The following SCARA3 variants were observed in gnomAD, a reference collection of about 807,000 sequenced individuals.
SCARA3 encodes cellular stress response gene protein.
In SCARA3, 39 loss-of-function variants were observed where a neutral mutation model predicts 47.0. The observed-to-expected ratio is 0.83, with a 90% confidence interval of 0.64 to 1.08. The LOEUF (loss-of-function observed/expected upper bound fraction) is 1.08. Among genes scored for constraint, SCARA3 ranks in the 50% least tolerant of loss-of-function variants. The probability of loss-of-function intolerance (pLI) is 0.00; values close to 1 mark genes in which losing one functional copy is unlikely to be tolerated. For synonymous variants in SCARA3, 356 were observed against 334.1 expected (o/e 1.07, Z -0.71); for missense variants, 724 against 792.3 (o/e 0.91, Z 1.04).
At chr8:27,719,873 G>A in the SCARA3 span, among the ~76,000 whole-genome samples, 1 of 152,100 alleles carries the variant, frequency 6.6e-6, no homozygotes, top group African/African-American at 2.4e-5. Flanking sequence ...AAATAGAAAA[G>A]ATGCAGCTCT....
intron 1 of SCARA3, among the ~76,000 whole-genome samples, chr8:27,641,846 T>G (rs1034939205): frequency 1.2e-4 from 19 of 152,294 alleles, no homozygotes; most frequent in African/African-American, 4.3e-4. Context: ...TCCATTCAAG[T>G]TGATGGCAGG....
chr8:27,708,242 A>T, the SCARA3 span, among the ~76,000 whole-genome samples: 1 of 152,204 alleles, frequency 6.6e-6, no homozygotes, highest in Admixed American at 6.5e-5. Context: ...ATGATAGGTT[A>T]TACAATGGAT....
chr8:27,653,930 G>T (rs34787158), intron 3 of SCARA3, among the ~76,000 whole-genome samples: 1 of 152,040 alleles, frequency 6.6e-6, no homozygotes, highest in African/African-American at 2.4e-5. Flanking sequence ...AACCAAACTC[G>T]TCACAGAGCA....
downstream of SCARA3, among the ~76,000 whole-genome samples, chr8:27,676,115 T>C (rs1802273641): frequency 5.9e-5 from 9 of 152,294 alleles, 1 homozygote; most frequent in South Asian, 1.9e-3. Context: ...GCCACATAGA[T>C]GTTAAGTGGT....
the SCARA3 span, among the ~76,000 whole-genome samples, chr8:27,694,253 A>G: frequency 6.6e-6 from 1 of 152,218 alleles, no homozygotes; most frequent in Admixed American, 6.5e-5. Context: ...AGATTTCTAC[A>G]TAAAGAGTAT....
the SCARA3 span, among the ~76,000 whole-genome samples, chr8:27,705,408 C>A: frequency 6.6e-6 from 1 of 152,204 alleles, no homozygotes; most frequent in African/African-American, 2.4e-5. Context: ...GCTAGGGGAG[C>A]CAATGTCAAC....
chr8:27,733,481 A>C, the SCARA3 span: 1 of 152,236 alleles, frequency 6.6e-6, no homozygotes, highest in Non-Finnish European at 1.5e-5. Flanking sequence ...GCTCTCACGA[A>C]GTGCCAGCTG....
At chr8:27,661,882 G>A (rs1300849537) in intron 5 of SCARA3, among the ~76,000 whole-genome samples, 2 of 152,142 alleles carry the variant, frequency 1.3e-5, no homozygotes, top group Non-Finnish European at 2.9e-5. Context: ...ACACCCTGTG[G>A]GATCTCCTAT....
chr8:27,640,352 G>A (rs1029421571), intron 1 of SCARA3, among the ~76,000 whole-genome samples: 1 of 152,014 alleles, frequency 6.6e-6, no homozygotes, highest in Non-Finnish European at 1.5e-5. Context: ...TTTTTTTCAT[G>A]TAGATAAGAT....
chr8:27,721,939 A>T, the SCARA3 span, among the ~76,000 whole-genome samples: 1 of 152,094 alleles, frequency 6.6e-6, no homozygotes, highest in East Asian at 1.9e-4. Context: ...AAATACAAAA[A>T]TTAGCCAGGA....
intron 1 of SCARA3, among the ~76,000 whole-genome samples, chr8:27,645,139 C>G (rs1489673871): frequency 6.6e-6 from 1 of 152,236 alleles, no homozygotes; most frequent in Non-Finnish European, 1.5e-5. Flanking sequence ...ATAAATTAAG[C>G]CTTTGCACTC....
At chr8:27,652,811 G>C (rs931071306) in intron 3 of SCARA3, among the ~76,000 whole-genome samples, 5 of 152,182 alleles carry the variant, frequency 3.3e-5, no homozygotes, top group Non-Finnish European at 7.4e-5. Context: ...CCCTTGGAAA[G>C]CATTTAAAAA....
intron 5 of SCARA3, among the ~76,000 whole-genome samples, chr8:27,668,619 G>A (rs1802074369): frequency 2.0e-5 from 3 of 151,932 alleles, no homozygotes; most frequent in Admixed American, 2.0e-4. Flanking sequence ...CAAAACTTTG[G>A]GAGGCCAAGG....
At chr8:27,668,546 C>CAAAAAAAAAAAAAAAAAAAA (rs61162841) in intron 5 of SCARA3, among the ~76,000 whole-genome samples, 53 of 69,746 alleles carry the variant, frequency 7.6e-4, no homozygotes, top group East Asian at 1.7e-3. Flanking sequence ...GACTCCGTCT[C>CAAAAAAAAAAAAAAAAAAAA]AAAAAAAAAA....
intron 3 of SCARA3, 152 bp from the exon 4 acceptor site, chr8:27,656,630 A>C: frequency 1.6e-6 from 1 of 610,208 alleles, no homozygotes; most frequent in Non-Finnish European, 2.9e-6. Flanking sequence ...GGCCATAAGA[A>C]GTATCTTCCC....
the SCARA3 span, among the ~76,000 whole-genome samples, chr8:27,690,011 A>G: frequency 6.6e-6 from 1 of 152,138 alleles, no homozygotes; most frequent in South Asian, 2.1e-4. Context: ...ACTTCTAGAG[A>G]CCAAATATCT....
downstream of SCARA3, among the ~76,000 whole-genome samples, chr8:27,675,124 C>A (rs757580270): frequency 5.9e-5 from 9 of 152,150 alleles, no homozygotes; most frequent in Non-Finnish European, 1.3e-4. Flanking sequence ...CCAGCCCACT[C>A]CTTTCACCCT....
At position 27,671,538 on chromosome 8, in the gene SCARA3, A is replaced by T; in HGVS notation, c.*187A>T. 1 of 1,291,328 alleles carries T rather than the reference A, an allele frequency of 7.7e-7. No homozygotes were observed. The highest frequency in any genetic ancestry group is 9.8e-7 in the Non-Finnish European group (1 of 1,024,704). The allele number at this position is 1,291,328 out of a possible 1,614,324, so 80.0% of individuals were successfully genotyped here. On this transcript the variant is annotated 3_prime_UTR_variant, in exon 6 of 6. Coordinates refer to ENST00000301904, the MANE Select transcript of SCARA3 (RefSeq NM_016240.3). ...TGCCATAGGAAAGCAGCCCCTCCTC[A>T]CACATACATGTGCACATGCACACAC...
chr8:27,671,158 TAGGGCCCCCAGGGCCAGA>T lies in SCARA3; in HGVS notation c.1638_1655del (p.Pro548_Gly553del), dbSNP rs1243250442. On this transcript the variant is annotated inframe_deletion, in exon 6 of 6. Coordinates refer to ENST00000301904, the MANE Select transcript of SCARA3 (RefSeq NM_016240.3). ...GGACAGCCAGGCCCAAAAGGGGACA[TAGGGCCCCCAGGGCCAGA>T]AGGGCCCCCGGGGTCTCCAGGGCCC... 15 of 1,541,216 alleles carry T rather than the reference TAGGGCCCCCAGGGCCAGA, an allele frequency of 9.7e-6. No individual in the cohort carries two copies. Among genetic ancestry groups the T allele is most frequent in the African/African-American group, 2.8e-5 (2 of 72,042 alleles).
Sources: allele counts gnomAD v4.1 joint callset (sites outside exome capture counted in the v4.1 genomes callset), GRCh38; gene constraint gnomAD v4.1.1; transcripts MANE v1.5; gene names NCBI Gene and HGNC (gene_info 2026-07-23, HGNC 2026-07-21).